Variants in FGF14 observed in about 807,000 individuals in gnomAD.
FGF14 encodes fibroblast growth factor homologous factor 4.
Under a neutral mutation model 25.5 loss-of-function variants are expected in FGF14, and 5 were observed. The ratio of observed to expected loss-of-function variants is 0.20; its 90% CI spans 0.10 to 0.41. The LOEUF (loss-of-function observed/expected upper bound fraction) is 0.41. FGF14 is among the 10% of genes least tolerant of loss of function. The pLI, the probability that FGF14 is intolerant of heterozygous loss-of-function variation, is 1.00. For synonymous variants in FGF14, 138 were observed against 118.3 expected (o/e 1.17, Z -1.08); for missense variants, 222 against 320.1 (o/e 0.69, Z 2.34).
At chr13:102,307,759 T>G (rs1438105372) in intron 1 of FGF14, among the ~76,000 whole-genome samples, 1 of 152,146 alleles carries the variant, frequency 6.6e-6, no homozygotes, top group African/African-American at 2.4e-5. Flanking sequence ...CGATTCCCAT[T>G]TTACAGATGA....
chr13:102,284,181 T>A (rs2053980446), intron 1 of FGF14, among the ~76,000 whole-genome samples: 1 of 152,174 alleles, frequency 6.6e-6, no homozygotes, highest in Admixed American at 6.5e-5. Flanking sequence ...AGGAAACAGG[T>A]CTTGCATACA....
At chr13:102,125,921 T>C (rs1038447513) in intron 1 of FGF14, among the ~76,000 whole-genome samples, 38 of 152,124 alleles carry the variant, frequency 2.5e-4, no homozygotes, top group African/African-American at 9.2e-4. Flanking sequence ...AGCTATACAA[T>C]TTTAAAATTC....
chr13:102,388,318 T>C (rs896291933), intron 1 of FGF14, among the ~76,000 whole-genome samples: 8 of 152,176 alleles, frequency 5.3e-5, no homozygotes, highest in African/African-American at 1.9e-4. Flanking sequence ...AACTACAAAG[T>C]AGGCTCAAAT....
chr13:102,102,922 C>G (rs910414328), intron 1 of FGF14, among the ~76,000 whole-genome samples: 2 of 152,172 alleles, frequency 1.3e-5, no homozygotes, highest in East Asian at 3.8e-4. Flanking sequence ...AGCTTCCAAG[C>G]CTGCAAATCC....
At chr13:101,991,737 A>G (rs1347131483) in intron 1 of FGF14, among the ~76,000 whole-genome samples, 2 of 152,068 alleles carry the variant, frequency 1.3e-5, no homozygotes, top group Admixed American at 1.3e-4. Flanking sequence ...TTAAGCTGTA[A>G]TCGGTGAATG....
chr13:101,845,135 G>C (rs1341995226), intron 3 of FGF14, among the ~76,000 whole-genome samples: 1 of 151,958 alleles, frequency 6.6e-6, no homozygotes, highest in African/African-American at 2.4e-5. Flanking sequence ...CAATAATACA[G>C]TACGCCTTCA....
At chr13:101,865,534 T>C (rs1209103757) in intron 3 of FGF14, among the ~76,000 whole-genome samples, 1 of 152,006 alleles carries the variant, frequency 6.6e-6, no homozygotes, top group Non-Finnish European at 1.5e-5. Context: ...GAAATAACTA[T>C]CATCATATTG....
At chr13:102,355,126 A>G (rs1034406403) in intron 1 of FGF14, among the ~76,000 whole-genome samples, 6 of 152,170 alleles carry the variant, frequency 3.9e-5, no homozygotes, top group Non-Finnish European at 8.8e-5. Flanking sequence ...AAAGGTACCC[A>G]ATGAATGTTT....
In FGF14 at chr13:101,789,064, T is replaced by C. The variant is rs555862965; in HGVS notation, c.409-62254A>G. ...GACCCATGATTTGGTTTTCCAAATCTTTCTTCAGGGATTTATTAGCCAGGG... is the reference window on the plus strand; with the variant it reads ...GACCCATGATTTGGTTTTCCAAATCCTTCTTCAGGGATTTATTAGCCAGGG... On this transcript the variant is annotated intron_variant, in intron 3 of 4. Coordinates refer to ENST00000376143, the MANE Select transcript of FGF14 (RefSeq NM_004115.4). 4.6e-5 allele frequency among the ~76,000 whole-genome samples: 7 copies of C among 151,738 alleles called. No homozygotes were observed. In the South Asian group the frequency reaches 1.5e-3, roughly 32 times the overall value.
chr13:102,362,709 A>G (rs190620220), intron 1 of FGF14, among the ~76,000 whole-genome samples: 19 of 152,332 alleles, frequency 1.2e-4, no homozygotes, highest in Non-Finnish European at 2.5e-4. Context: ...TAGTGAGAAC[A>G]GAACCCACGG....
intron 1 of FGF14, among the ~76,000 whole-genome samples, chr13:102,112,808 T>C (rs1485173746): frequency 6.6e-6 from 1 of 152,198 alleles, no homozygotes; most frequent in African/African-American, 2.4e-5. Context: ...GCAGGGTAGG[T>C]ATGTAACATT....
At chr13:102,364,513 T>C (rs1476854166) in intron 1 of FGF14, among the ~76,000 whole-genome samples, 1 of 152,222 alleles carries the variant, frequency 6.6e-6, no homozygotes, top group African/African-American at 2.4e-5. Flanking sequence ...ATTTCATGCT[T>C]AAGAGTATTT....
chr13:102,063,992 A>G (rs2042798408), intron 1 of FGF14, among the ~76,000 whole-genome samples: 1 of 152,196 alleles, frequency 6.6e-6, no homozygotes, highest in Admixed American at 6.5e-5. Context: ...ACTTGCTATA[A>G]TTAAAAGGTT....
intron 3 of FGF14, among the ~76,000 whole-genome samples, chr13:101,854,694 G>T (rs916771385): frequency 6.6e-6 from 1 of 151,978 alleles, no homozygotes; most frequent in Non-Finnish European, 1.5e-5. Context: ...ATAAGTGCTG[G>T]TCCTATTGCC....
At chr13:102,005,177 A>T (rs1375146369) in intron 1 of FGF14, among the ~76,000 whole-genome samples, 1 of 152,184 alleles carries the variant, frequency 6.6e-6, no homozygotes, top group African/African-American at 2.4e-5. Context: ...AAATTGTGCA[A>T]GTTTTGCTTT....
intron 1 of FGF14, among the ~76,000 whole-genome samples, chr13:102,288,197 A>G (rs2054199983): frequency 6.6e-6 from 1 of 152,214 alleles, no homozygotes; most frequent in Non-Finnish European, 1.5e-5. Context: ...GGTCATGTTT[A>G]TGTAATATTG....
intron 1 of FGF14, among the ~76,000 whole-genome samples, chr13:102,133,554 T>C (rs2046290023): frequency 6.6e-6 from 1 of 152,220 alleles, no homozygotes; most frequent in African/African-American, 2.4e-5. Flanking sequence ...TATATAGAAA[T>C]GGAAATTCAG....
intron 3 of FGF14, among the ~76,000 whole-genome samples, chr13:101,745,793 G>C (rs2036847935): frequency 6.6e-6 from 1 of 152,078 alleles, no homozygotes; most frequent in Non-Finnish European, 1.5e-5. Context: ...GGAGAGAAGA[G>C]TGGAGTGTAG....
intron 3 of FGF14, among the ~76,000 whole-genome samples, chr13:101,854,756 T>C (rs1000175460): frequency 2.6e-5 from 4 of 152,026 alleles, no homozygotes; most frequent in African/African-American, 7.2e-5. Context: ...ATGATACCTG[T>C]CCACCTATCA....
Sources: allele counts gnomAD v4.1 joint callset (sites outside exome capture counted in the v4.1 genomes callset), GRCh38; gene constraint gnomAD v4.1.1; transcripts MANE v1.5; gene names NCBI Gene and HGNC (gene_info 2026-07-23, HGNC 2026-07-21).